Variants in PDE4D observed in about 807,000 individuals in gnomAD.
The protein encoded by PDE4D is 3',5'-cyclic-AMP phosphodiesterase 4D.
In PDE4D, 24 loss-of-function variants were observed where a neutral mutation model predicts 87.4. That is an observed-to-expected ratio of 0.27 (90% CI 0.20 to 0.39). PDE4D has a LOEUF of 0.39. Ranked by LOEUF, PDE4D falls within the 10% of genes least tolerant of loss-of-function variation. The pLI, the probability that PDE4D is intolerant of heterozygous loss-of-function variation, is 1.00. For synonymous variants in PDE4D, 384 were observed against 383.2 expected, an observed-to-expected ratio of 1.00 and a Z score of -0.02; for missense variants, 714 against 1,041.0, an observed-to-expected ratio of 0.69 and a Z score of 4.32.
intron 1 of PDE4D, among the ~76,000 whole-genome samples, chr5:60,240,783 A>G (rs1329229668): frequency 6.6e-6 from 1 of 152,166 alleles, no homozygotes; most frequent in African/African-American, 2.4e-5. Flanking sequence ...ATACCAAGGC[A>G]GTACCTCTAT....
chr5:59,584,839 C>G (rs989888731), intron 1 of PDE4D, among the ~76,000 whole-genome samples: 2 of 152,138 alleles, frequency 1.3e-5, no homozygotes, highest in African/African-American at 4.8e-5. Flanking sequence ...AAAATGAACT[C>G]TGAAGAAAAG....
At chr5:59,284,352 T>C (rs1040619775) in intron 1 of PDE4D, among the ~76,000 whole-genome samples, 11 of 152,174 alleles carry the variant, frequency 7.2e-5, no homozygotes, top group Non-Finnish European at 1.5e-4. Flanking sequence ...CAAGGCATTA[T>C]GGAGGCCCAA....
intron 1 of PDE4D, among the ~76,000 whole-genome samples, chr5:59,463,181 A>G (rs1801034072): frequency 6.6e-6 from 1 of 152,234 alleles, no homozygotes; most frequent in South Asian, 2.1e-4. Flanking sequence ...GGAAAAATAT[A>G]CAGTTAAAAT....
chr5:59,783,622 A>C (rs1561655573), intron 1 of PDE4D, among the ~76,000 whole-genome samples: 1 of 152,166 alleles, frequency 6.6e-6, no homozygotes, highest in Admixed American at 6.5e-5. Flanking sequence ...AGTCTAAAAC[A>C]TTTATTTCAT....
At chr5:59,200,690 T>C (rs1974837) in intron 2 of PDE4D, among the ~76,000 whole-genome samples, 24 of 87,860 alleles carry the variant, frequency 2.7e-4, no homozygotes, top group Non-Finnish European at 3.9e-4. Context: ...TATACATACA[T>C]ATGTGTATGT....
At chr5:60,429,643 T>C (rs1444622559) in intron 1 of PDE4D, among the ~76,000 whole-genome samples, 2 of 152,194 alleles carry the variant, frequency 1.3e-5, no homozygotes, top group Non-Finnish European at 2.9e-5. Context: ...TGTCCTTCAA[T>C]GCCTAGTTTT....
At chr5:59,484,789 T>C (rs1473477513) in intron 1 of PDE4D, among the ~76,000 whole-genome samples, 1 of 152,214 alleles carries the variant, frequency 6.6e-6, no homozygotes, top group Non-Finnish European at 1.5e-5. Flanking sequence ...AGTAACTGTC[T>C]GGCTCTAGTG....
chr5:59,501,461 C>T (rs903967446), intron 1 of PDE4D, among the ~76,000 whole-genome samples: 1 of 152,108 alleles, frequency 6.6e-6, no homozygotes, highest in African/African-American at 2.4e-5. Flanking sequence ...GGATATTACA[C>T]AGCAAATACA....
chr5:59,705,066 T>C (rs145089781), intron 1 of PDE4D, among the ~76,000 whole-genome samples: 7 of 152,320 alleles, frequency 4.6e-5, no homozygotes, highest in African/African-American at 1.4e-4. Flanking sequence ...AACTGTTCCA[T>C]GTCTAGCAAT....
chr5:60,062,564 G>A (rs1771522864), intron 2 of PDE4D, among the ~76,000 whole-genome samples: 1 of 152,020 alleles, frequency 6.6e-6, no homozygotes, highest in Admixed American at 6.6e-5. Context: ...CCCATTACTG[G>A]ATAAATACCT....
intron 3 of PDE4D, among the ~76,000 whole-genome samples, chr5:59,962,505 C>G (rs1196163985): frequency 2.0e-5 from 3 of 151,864 alleles, no homozygotes; most frequent in African/African-American, 7.3e-5. Context: ...GCCCTGAAAT[C>G]TTACGCTCCT....
intron 3 of PDE4D, among the ~76,000 whole-genome samples, chr5:59,921,236 T>C (rs1160839395): frequency 6.6e-6 from 1 of 152,194 alleles, no homozygotes; most frequent in East Asian, 1.9e-4. Flanking sequence ...AAATATAACA[T>C]GTCTAATGTT....
intron 1 of PDE4D, among the ~76,000 whole-genome samples, chr5:60,271,209 T>A (rs532115078): frequency 6.6e-6 from 1 of 152,314 alleles, no homozygotes; most frequent in South Asian, 2.1e-4. Context: ...AACAGCAACT[T>A]TAATGGTCAC....
intron 3 of PDE4D, among the ~76,000 whole-genome samples, chr5:59,972,407 A>G (rs1760880263): frequency 6.6e-6 from 1 of 152,222 alleles, no homozygotes; most frequent in Non-Finnish European, 1.5e-5. Flanking sequence ...CAAGCAATAT[A>G]GGTGACAATA....
chr5:59,489,081 T>C (rs1273606648), intron 1 of PDE4D, among the ~76,000 whole-genome samples: 1 of 151,966 alleles, frequency 6.6e-6, no homozygotes, highest in African/African-American at 2.4e-5. Flanking sequence ...GGTCAAGAGA[T>C]AGAGACCATC....
chr5:60,139,507 T>C (rs1245823238), intron 2 of PDE4D, among the ~76,000 whole-genome samples: 1 of 152,060 alleles, frequency 6.6e-6, no homozygotes, highest in Non-Finnish European at 1.5e-5. Context: ...TGCCATTGAC[T>C]TCTACAAAAT....
intron 1 of PDE4D, among the ~76,000 whole-genome samples, chr5:59,658,864 CA>C (rs772062006): frequency 2.0e-5 from 3 of 151,936 alleles, no homozygotes; most frequent in Non-Finnish European, 2.9e-5. Flanking sequence ...TTCAGCCAAG[CA>C]GGTGGCTCAC....
chr5:59,914,826 G>A (rs1753846511), intron 3 of PDE4D, among the ~76,000 whole-genome samples: 1 of 144,990 alleles, frequency 6.9e-6, no homozygotes, highest in Admixed American at 7.1e-5. Context: ...GTAGGAGAAG[G>A]GGAAGTATAG....
At position 59,985,124 on chromosome 5, in the gene PDE4D, G is replaced by GTTTTTTTTTTTTTTTTTTTTTTTTT. The variant is rs762506771; in HGVS notation, c.272+3363_272+3364insAAAAAAAAAAAAAAAAAAAAAAAAA. 8.1e-5 allele frequency among the ~76,000 whole-genome samples: 9 copies of GTTTTTTTTTTTTTTTTTTTTTTTTT among 111,348 alleles called. 3 individuals are homozygous for GTTTTTTTTTTTTTTTTTTTTTTTTT. Among genetic ancestry groups the GTTTTTTTTTTTTTTTTTTTTTTTTT allele is most frequent in the East Asian group, 7.5e-4 (2 of 2,658 alleles). The allele number at this position is 111,348 out of a possible 152,430, so 73.0% of individuals were successfully genotyped here. A position where few individuals can be genotyped will look rare whatever the true frequency, so the allele number is the denominator to read the frequency against. Reference sequence around the variant, plus strand: ...AATATAAGCCCGAACTTCACCTTTCGTTTTTTGTTTTTTGTTTTTTGTTTT... The same window carrying GTTTTTTTTTTTTTTTTTTTTTTTTT: ...AATATAAGCCCGAACTTCACCTTTCGTTTTTTTTTTTTTTTTTTTTTTTTTTTTTTTGTTTTTTGTTTTTTGTTTT... On this transcript the variant is annotated intron_variant, in intron 3 of 16. Transcript: ENST00000502484.
Sources: gnomAD v4.1 joint callset for allele counts (sites outside exome capture counted in the v4.1 genomes callset) on GRCh38, gnomAD v4.1.1 for gene constraint, MANE v1.5 for transcripts, NCBI Gene and HGNC (gene_info 2026-07-23, HGNC 2026-07-21) for gene names.